Variants in GRIN2A observed in about 807,000 individuals in gnomAD.
GRIN2A encodes the protein glutamate receptor ionotropic, NMDA 2A.
GRIN2A carries 22 observed loss-of-function variants against 113.4 expected under a neutral mutation model. The ratio of observed to expected loss-of-function variants is 0.19; its 90% confidence interval spans 0.14 to 0.28. The LOEUF is 0.28. GRIN2A is among the 10% of genes least tolerant of loss of function. GRIN2A has a pLI of 1.00. For synonymous variants in GRIN2A, 827 were observed against 738.4 expected (o/e 1.12, Z -1.94); for missense variants, 1,502 against 1,887.0 (o/e 0.80, Z 3.78).
intron 2 of GRIN2A, among the ~76,000 whole-genome samples, chr16:10,015,845 G>T (rs916273007): frequency 6.6e-6 from 1 of 152,214 alleles, no homozygotes; most frequent in South Asian, 2.1e-4. Context: ...CCATGTGGTA[G>T]GGTAGCTGGG....
At chr16:9,954,214 A>C (rs753033337) in intron 2 of GRIN2A, among the ~76,000 whole-genome samples, 1 of 152,178 alleles carries the variant, frequency 6.6e-6, no homozygotes, top group Non-Finnish European at 1.5e-5. Flanking sequence ...ATATACCTTC[A>C]ATGTTGAAGA....
intron 2 of GRIN2A, among the ~76,000 whole-genome samples, chr16:10,102,167 G>A (rs1008941693): frequency 6.6e-6 from 1 of 152,234 alleles, no homozygotes; most frequent in African/African-American, 2.4e-5. Flanking sequence ...CCAAACTCAT[G>A]TTGAAATGTC....
At chr16:10,146,307 A>G (rs1175713224) in intron 2 of GRIN2A, among the ~76,000 whole-genome samples, 1 of 152,094 alleles carries the variant, frequency 6.6e-6, no homozygotes, top group Non-Finnish European at 1.5e-5. Flanking sequence ...TAGCAGACAC[A>G]GGGTTTTACC....
intron 11 of GRIN2A, among the ~76,000 whole-genome samples, chr16:9,788,030 G>A (rs541702281): frequency 1.7e-4 from 26 of 152,282 alleles, no homozygotes; most frequent in African/African-American, 6.0e-4. Flanking sequence ...CCGAGGAGAA[G>A]CACGGATGGC....
At chr16:10,062,951 A>G (rs2047573987) in intron 2 of GRIN2A, among the ~76,000 whole-genome samples, 1 of 152,178 alleles carries the variant, frequency 6.6e-6, no homozygotes, top group Non-Finnish European at 1.5e-5. Context: ...ACTATTCACA[A>G]TAACGAAGAC....
chr16:9,756,079 C>T lies in GRIN2A; in HGVS notation c.*7070G>A, dbSNP rs1350697802. 4.4e-6 allele frequency: 1 copy of T among 225,506 alleles called. No homozygotes were observed. The highest frequency in any genetic ancestry group is 5.7e-5 in the Admixed American group (1 of 17,518). 14.0% of individuals were successfully genotyped at this position (225,506 alleles called of 1,614,324 possible). The stretch of plus-strand genomic sequence containing the variant: ...TTGCAAATAATATCACCTCTTTGAA[C>T]ATGGGTCACAATATTTAGGAGGACT... On this transcript the variant is annotated 3_prime_UTR_variant, in exon 13 of 13. Coordinates refer to ENST00000330684, the MANE Select transcript of GRIN2A (RefSeq NM_001134407.3).
intron 2 of GRIN2A, among the ~76,000 whole-genome samples, chr16:10,115,248 C>G (rs1356765202): frequency 6.6e-6 from 1 of 151,622 alleles, no homozygotes; most frequent in Non-Finnish European, 1.5e-5. Flanking sequence ...TTTCAGCTTA[C>G]TTTGTAATTT....
At chr16:10,169,245 G>A (rs543986635) in intron 2 of GRIN2A, among the ~76,000 whole-genome samples, 3 of 152,104 alleles carry the variant, frequency 2.0e-5, no homozygotes, top group African/African-American at 4.8e-5. Context: ...ATTTTTCAAC[G>A]TCCATCTTTA....
intron 4 of GRIN2A, among the ~76,000 whole-genome samples, chr16:9,866,042 A>G (rs1402410635): frequency 2.0e-5 from 3 of 152,172 alleles, no homozygotes; most frequent in African/African-American, 4.8e-5. Flanking sequence ...AAAGCCTAAA[A>G]TATTTACTAG....
Position 9,948,929 on chromosome 16 carries a change from C to G in GRIN2A, c.415-10378G>C, listed in dbSNP as rs868366905. 3.7e-4 allele frequency among the ~76,000 whole-genome samples: 56 copies of G among 152,204 alleles called. 1 individual carries two copies. Among genetic ancestry groups the G allele is most frequent in the African/African-American group, 1.3e-3 (53 of 41,454 alleles). On this transcript the variant is annotated intron_variant, in intron 2 of 12. Transcript: ENST00000330684. ...CGCAAGTGGCTGGGTCTCCCTGAGC[C>G]TCCATTTTTTTCATCTATAAAATGG...
intron 2 of GRIN2A, among the ~76,000 whole-genome samples, chr16:10,038,983 C>A (rs2047089877): frequency 6.6e-6 from 1 of 152,172 alleles, no homozygotes; most frequent in Admixed American, 6.5e-5. Context: ...AGGAAGCCCC[C>A]TGGCCCCCTC....
intron 2 of GRIN2A, among the ~76,000 whole-genome samples, chr16:9,983,149 A>C (rs1352872186): frequency 6.6e-6 from 1 of 152,186 alleles, no homozygotes; most frequent in African/African-American, 2.4e-5. Flanking sequence ...CTAGCTATTT[A>C]AAAATACACA....
intron 2 of GRIN2A, among the ~76,000 whole-genome samples, chr16:10,041,871 C>T (rs1220148913): frequency 6.6e-6 from 1 of 152,216 alleles, no homozygotes; most frequent in Non-Finnish European, 1.5e-5. Flanking sequence ...CCACCTCCTT[C>T]TGCAATCTGC....
At position 9,756,621 on chromosome 16, in the gene GRIN2A, T is replaced by C. The variant is rs1380116191; in HGVS notation, c.*6528A>G. Reference sequence around the variant, plus strand: ...AAAAACCTGAGCCTCAGTTTCCTTATCTGTAAAATGGGAGCAATCATATTT... The same window carrying C: ...AAAAACCTGAGCCTCAGTTTCCTTACCTGTAAAATGGGAGCAATCATATTT... On this transcript the variant is annotated 3_prime_UTR_variant, in exon 13 of 13. Coordinates refer to ENST00000330684, the MANE Select transcript of GRIN2A (RefSeq NM_001134407.3). 5.1e-6 allele frequency: 1 copy of C among 196,996 alleles called. No homozygotes were observed. Among genetic ancestry groups the C allele is most frequent in the Non-Finnish European group, 1.1e-5 (1 of 94,988 alleles). The allele number at this position is 196,996 out of a possible 1,614,324, so 12.2% of individuals were successfully genotyped here.
At chr16:9,962,655 A>G (rs958219358) in intron 2 of GRIN2A, among the ~76,000 whole-genome samples, 1 of 152,170 alleles carries the variant, frequency 6.6e-6, no homozygotes, top group Non-Finnish European at 1.5e-5. Flanking sequence ...ACATTTTTAC[A>G]CTGTTGGTGG....
intron 3 of GRIN2A, among the ~76,000 whole-genome samples, chr16:9,936,820 G>T (rs990876993): frequency 6.6e-6 from 1 of 152,178 alleles, no homozygotes; most frequent in African/African-American, 2.4e-5. Context: ...GCACTAGTGT[G>T]GGAAGTTTCC....
At chr16:9,920,512 C>T (rs554490364) in intron 3 of GRIN2A, among the ~76,000 whole-genome samples, 37 of 151,764 alleles carry the variant, frequency 2.4e-4, no homozygotes, top group African/African-American at 8.2e-4. Flanking sequence ...ATCTTTTACA[C>T]TGAATGGAAA....
At chr16:9,923,181 A>C (rs1363856562) in intron 3 of GRIN2A, among the ~76,000 whole-genome samples, 1 of 151,940 alleles carries the variant, frequency 6.6e-6, no homozygotes, top group Non-Finnish European at 1.5e-5. Flanking sequence ...TGATGAATTG[A>C]CTCATTTATC....
intron 2 of GRIN2A, among the ~76,000 whole-genome samples, chr16:10,053,456 C>T (rs150719798): frequency 3.3e-5 from 5 of 152,302 alleles, no homozygotes; most frequent in African/African-American, 1.2e-4. Flanking sequence ...GAGCTTAAAC[C>T]TGAAATGTGT....
Sources: allele counts gnomAD v4.1 joint callset (sites outside exome capture counted in the v4.1 genomes callset), GRCh38; gene constraint gnomAD v4.1.1; transcripts MANE v1.5; gene names NCBI Gene and HGNC (gene_info 2026-07-23, HGNC 2026-07-21).